Variants in SNTG1 observed in about 807,000 individuals in gnomAD.
SNTG1 encodes gamma-1-syntrophin.
A neutral mutation model predicts 74.7 loss-of-function variants in SNTG1; 39 were observed. That is an observed-to-expected ratio of 0.52 (90% confidence interval 0.40 to 0.68). The LOEUF (loss-of-function observed/expected upper bound fraction) is 0.68, where lower values mean the gene tolerates loss of function less well. Among genes scored for constraint, SNTG1 ranks in the 30% least tolerant of loss-of-function variants. The pLI, the probability that SNTG1 is intolerant of heterozygous loss-of-function variation, is 0.00. For synonymous variants in SNTG1, 254 were observed against 217.1 expected, an observed-to-expected ratio of 1.17 and a Z score of -1.49; for missense variants, 685 against 609.5, an observed-to-expected ratio of 1.12 and a Z score of -1.30.
At chr8:50,206,822 A>G (rs1447351618) in intron 2 of SNTG1, among the ~76,000 whole-genome samples, 6 of 152,270 alleles carry the variant, frequency 3.9e-5, no homozygotes, top group African/African-American at 7.2e-5. Flanking sequence ...TATTGAGACA[A>G]TCATGTGGTT....
chr8:50,258,131 C>G (rs2086974638), intron 2 of SNTG1, among the ~76,000 whole-genome samples: 1 of 152,182 alleles, frequency 6.6e-6, no homozygotes, highest in African/African-American at 2.4e-5. Context: ...CAGCAGCAAG[C>G]TTGGAGTGCA....
chr8:50,022,199 A>C (rs542059071), intron 1 of SNTG1, among the ~76,000 whole-genome samples: 1 of 152,306 alleles, frequency 6.6e-6, no homozygotes, highest in African/African-American at 2.4e-5. Context: ...GGGGGAAATA[A>C]CATCCCTGTG....
At chr8:50,774,764 G>A (rs1190484920) in intron 18 of SNTG1, among the ~76,000 whole-genome samples, 1 of 151,454 alleles carries the variant, frequency 6.6e-6, no homozygotes, top group African/African-American at 2.4e-5. Flanking sequence ...TGTGTCTTTG[G>A]GCTTGTAATA....
At chr8:50,029,221 G>A (rs1817540149) in intron 1 of SNTG1, among the ~76,000 whole-genome samples, 1 of 152,008 alleles carries the variant, frequency 6.6e-6, no homozygotes, top group African/African-American at 2.4e-5. Flanking sequence ...CATAATAGGT[G>A]TATAAATTTA....
intron 11 of SNTG1, among the ~76,000 whole-genome samples, chr8:50,546,932 C>T (rs1056244637): frequency 6.6e-6 from 1 of 152,100 alleles, no homozygotes; most frequent in African/African-American, 2.4e-5. Context: ...CAGGTGCCCA[C>T]AACCATGCCT....
chr8:49,993,457 G>T (rs1469873917), intron 1 of SNTG1, among the ~76,000 whole-genome samples: 4 of 151,868 alleles, frequency 2.6e-5, no homozygotes, highest in African/African-American at 9.7e-5. Flanking sequence ...TGTTACGTAG[G>T]TATACATGTG....
intron 13 of SNTG1, among the ~76,000 whole-genome samples, chr8:50,641,497 T>G (rs1333056587): frequency 6.6e-6 from 1 of 152,196 alleles, no homozygotes; most frequent in Non-Finnish European, 1.5e-5. Flanking sequence ...CCTAATCCTT[T>G]TAATGACCAA....
intron 1 of SNTG1, among the ~76,000 whole-genome samples, chr8:50,046,864 C>G (rs1035171757): frequency 4.3e-4 from 65 of 152,094 alleles, no homozygotes; most frequent in South Asian, 2.1e-4. Flanking sequence ...TTCTTCATAA[C>G]CAAATTATTA....
chr8:50,688,386 T>G (rs563326447), intron 15 of SNTG1, among the ~76,000 whole-genome samples: 3 of 152,326 alleles, frequency 2.0e-5, no homozygotes, highest in African/African-American at 7.2e-5. Context: ...TTTTATGGTT[T>G]TAGGTCTAAC....
chr8:50,219,781 G>T (rs1254986773), intron 2 of SNTG1, among the ~76,000 whole-genome samples: 1 of 152,134 alleles, frequency 6.6e-6, no homozygotes, highest in Non-Finnish European at 1.5e-5. Flanking sequence ...TGAGATTTGG[G>T]TGGGGACACA....
At chr8:50,515,771 G>C (rs1189463578) in intron 9 of SNTG1, among the ~76,000 whole-genome samples, 1 of 151,988 alleles carries the variant, frequency 6.6e-6, no homozygotes, top group Non-Finnish European at 1.5e-5. Context: ...TCTTTGAGCA[G>C]GGCATCTCTG....
chr8:50,084,089 A>C (rs747314248), intron 1 of SNTG1, among the ~76,000 whole-genome samples: 1 of 152,192 alleles, frequency 6.6e-6, no homozygotes, highest in African/African-American at 2.4e-5. Context: ...GCCATCTCTA[A>C]AAGACACCTC....
chr8:50,174,300 G>T (rs751730714), intron 2 of SNTG1, among the ~76,000 whole-genome samples: 1 of 152,128 alleles, frequency 6.6e-6, no homozygotes, highest in Admixed American at 6.5e-5. Flanking sequence ...GTAGACATAC[G>T]TGGGCATGTG....
intron 1 of SNTG1, among the ~76,000 whole-genome samples, chr8:49,929,791 G>T (rs1397177149): frequency 6.6e-6 from 1 of 151,430 alleles, no homozygotes; most frequent in Admixed American, 6.6e-5. Context: ...ATGTATACAT[G>T]TGCCATGCTG....
intron 2 of SNTG1, among the ~76,000 whole-genome samples, chr8:50,315,833 A>G (rs1413448551): frequency 6.6e-6 from 1 of 152,158 alleles, no homozygotes; most frequent in Non-Finnish European, 1.5e-5. Flanking sequence ...ATCAAGCACA[A>G]TTCACAGATG....
At chr8:50,434,596 T>C (rs1394910727) in intron 4 of SNTG1, among the ~76,000 whole-genome samples, 1 of 152,178 alleles carries the variant, frequency 6.6e-6, no homozygotes, top group Admixed American at 6.5e-5. Context: ...TGGTGTGAGA[T>C]GGTATATCAT....
intron 17 of SNTG1, among the ~76,000 whole-genome samples, chr8:50,740,208 T>G (rs1490378495): frequency 6.6e-6 from 1 of 151,950 alleles, no homozygotes; most frequent in African/African-American, 2.4e-5. Context: ...GAGAAAATTT[T>G]TGCAAACTGT....
intron 2 of SNTG1, among the ~76,000 whole-genome samples, chr8:50,188,140 A>G (rs2083448477): frequency 6.6e-6 from 1 of 152,172 alleles, no homozygotes; most frequent in South Asian, 2.1e-4. Context: ...TCATTCTCAA[A>G]GAACACGAAT....
In SNTG1 at chr8:50,660,192, G is replaced by A. The variant is rs181559013; in HGVS notation, c.1038+1529G>A. Among the ~76,000 whole-genome samples, 1,319 of 140,646 alleles carry A rather than the reference G, an allele frequency of 9.4e-3. 7 individuals are homozygous for A. The highest frequency in any genetic ancestry group is 0.018 in the Middle Eastern group (5 of 282). The allele number at this position is 140,646 out of a possible 152,430, so 92.3% of individuals were successfully genotyped here. A position where few individuals can be genotyped will look rare whatever the true frequency, so the allele number is the denominator to read the frequency against. On this transcript the variant is annotated intron_variant, in intron 15 of 18. Coordinates refer to ENST00000642720, the MANE Select transcript of SNTG1 (RefSeq NM_018967.5). ...CATGTAATTAGGGGAAGAAAAGAAA[G>A]AAAGAAAAGAAAAGAAGGAAAAGAA...
Sources: allele counts gnomAD v4.1 joint callset (sites outside exome capture counted in the v4.1 genomes callset), GRCh38; gene constraint gnomAD v4.1.1; transcripts MANE v1.5; gene names NCBI Gene and HGNC (gene_info 2026-07-23, HGNC 2026-07-21).